Variants in SZRD1 observed in about 807,000 individuals in gnomAD.
SZRD1 encodes the protein SUZ RNA-binding domain-containing.
SZRD1 carries 7 observed loss-of-function variants against 17.6 expected under a neutral mutation model. The ratio of observed to expected loss-of-function variants is 0.40; its 90% CI spans 0.23 to 0.75. The LOEUF is 0.75. Among genes scored for constraint, SZRD1 ranks in the 30% least tolerant of loss-of-function variants. The probability of loss-of-function intolerance (pLI) is 0.38; values close to 1 mark genes in which losing one functional copy is unlikely to be tolerated. For synonymous variants in SZRD1, 77 were observed against 77.9 expected, an observed-to-expected ratio of 0.99 and a Z score of 0.06; for missense variants, 178 against 201.8, an observed-to-expected ratio of 0.88 and a Z score of 0.71.
At chr1:16,382,222 C>T (rs2083116240) in intron 1 of SZRD1, among the ~76,000 whole-genome samples, 1 of 151,380 alleles carries the variant, frequency 6.6e-6, no homozygotes, top group Non-Finnish European at 1.5e-5. Flanking sequence ...GGAGTCTTGT[C>T]TGTCGCCCAG....
At chr1:16,369,233 G>A (rs1051374137) in intron 1 of SZRD1, 1 of 539,706 alleles carries the variant, frequency 1.9e-6, no homozygotes, top group Non-Finnish European at 3.3e-6. Context: ...GTAACTAGGA[G>A]CAACCAATCA....
intron 1 of SZRD1, chr1:16,387,297 A>G (rs546447550): frequency 8.8e-6 from 4 of 456,470 alleles, no homozygotes; most frequent in African/African-American, 4.0e-5. Flanking sequence ...CATCTTCCTT[A>G]AACCCTAGAG....
At chr1:16,388,420 A>C (rs1441202988) in intron 1 of SZRD1, among the ~76,000 whole-genome samples, 2 of 150,312 alleles carry the variant, frequency 1.3e-5, no homozygotes, top group Non-Finnish European at 3.0e-5. Context: ...ATATAAATAT[A>C]TTTTAAACAC....
At chr1:16,378,979 G>A (rs1428871255) in intron 1 of SZRD1, among the ~76,000 whole-genome samples, 9 of 151,952 alleles carry the variant, frequency 5.9e-5, no homozygotes, top group Non-Finnish European at 1.3e-4. Context: ...CACCCGCCTC[G>A]GCCTCCCAAA....
intron 2 of SZRD1, among the ~76,000 whole-genome samples, chr1:16,392,594 T>C (rs1557631660): frequency 6.6e-6 from 1 of 152,210 alleles, no homozygotes. Context: ...CAGGGAGCCC[T>C]GGCAAGGGAG....
chr1:16,393,353 A>G lies in SZRD1; in HGVS notation c.227A>G (p.Asn76Ser), dbSNP rs199624690. 1.1e-4 allele frequency: 181 copies of G among 1,613,894 alleles called. 1 individual carries two copies. The African/African-American group carries it at 2.1e-3, about 18-fold the overall frequency. Residue 76 changes from asparagine to serine, a missense_variant, in exon 3 of 4, where the codon AAC becomes AGC. By Grantham distance (46) the Asn-to-Ser change is conservative (BLOSUM62 1). This residue lies in a region of SZRD1 where 117 missense variants were observed against 108.7 expected (regional missense o/e 1.08). Transcript: ENST00000401088. This position sits in a 1 kb window ranked among gnomAD's most constrained non-coding sequence, Gnocchi z 5.6. The part of the protein sequence containing the change: ...PTSNGVVSSP[N>S]STSRPTLPVK... ...AGCAACGGTGTGGTCAGCAGCCCCA[A>G]CTCCACCAGCAGGCCCACCCTTCCA...
In SZRD1 at chr1:16,383,441, A is replaced by G. The variant is rs553062734; in HGVS notation, c.52-7934A>G. Among the ~76,000 whole-genome samples, 44 of 151,786 alleles carry G rather than the reference A, an allele frequency of 2.9e-4. 1 individual carries two copies. In the South Asian group the frequency reaches 9.0e-3, roughly 31 times the overall value. ...TACTTTCTTGTCCAGGCTGGTCTTGAACTCCTGGTTTCAAGCAATTCTCCT... is the reference window on the plus strand; with the variant it reads ...TACTTTCTTGTCCAGGCTGGTCTTGGACTCCTGGTTTCAAGCAATTCTCCT... On this transcript the variant is annotated intron_variant, in intron 1 of 3. Transcript: ENST00000401088.
Position 16,385,555 on chromosome 1 carries a change from C to T in SZRD1, c.52-5820C>T, listed in dbSNP as rs563225475. 7.2e-4 allele frequency among the ~76,000 whole-genome samples: 110 copies of T among 152,062 alleles called. 2 individuals carry two copies. Among genetic ancestry groups the T allele is most frequent in the Non-Finnish European group, 1.0e-3 (69 of 68,022 alleles). ...CTCACCTTTCTTTTTTCCTTGTCAT[C>T]GACCTCTTAACGTTACAGGAGTAAA... On this transcript the variant is annotated intron_variant, in intron 1 of 3. Coordinates refer to ENST00000401088, the MANE Select transcript of SZRD1 (RefSeq NM_001114600.3).
At position 16,395,756 on chromosome 1, in the gene SZRD1, GA is replaced by G. The variant is rs1419976678; in HGVS notation, c.*619del. On this transcript the variant is annotated 3_prime_UTR_variant, in exon 4 of 4. Transcript: ENST00000401088. The stretch of plus-strand genomic sequence containing the variant: ...AAAAATGTTTCTGGGAAATTCACTA[GA>G]AACATTAACCAATAGGATTTTGGTG... The G allele has an allele frequency of 6.4e-6, 1 of 156,022 alleles. No homozygotes were observed. The highest frequency in any genetic ancestry group is 2.4e-5 in the African/African-American group (1 of 41,452). The allele number at this position is 156,022 out of a possible 1,614,324, so 9.7% of individuals were successfully genotyped here.
rs959078013 is a variant in SZRD1 at position 16,395,278 on chromosome 1, C to G, written c.*138C>G. The G allele has an allele frequency of 1.4e-6, 1 of 710,978 alleles. No homozygotes were observed. Among genetic ancestry groups the G allele is most frequent in the Admixed American group, 2.0e-5 (1 of 49,048 alleles). 44.0% of individuals were successfully genotyped at this position (710,978 alleles called of 1,614,324 possible). On this transcript the variant is annotated 3_prime_UTR_variant, in exon 4 of 4. Coordinates refer to ENST00000401088, the MANE Select transcript of SZRD1 (RefSeq NM_001114600.3). ...CTTACTTGCACTGTGATCCCCCTTG[C>G]TCCGCCCACTGTGACCTTGAACCCC... is the stretch of plus-strand genomic sequence containing the variant.
At position 16,391,961 on chromosome 1, in the gene SZRD1, C is replaced by T. The variant is rs903908172; in HGVS notation, c.101+537C>T. On this transcript the variant is annotated intron_variant, in intron 2 of 3. Coordinates refer to ENST00000401088, the MANE Select transcript of SZRD1 (RefSeq NM_001114600.3). The surrounding 1 kb of genome is among the most constrained non-coding windows in gnomAD (Gnocchi z 4.3). Reference sequence around the variant, plus strand: ...TTCCAGAGTAGGTGAAAGTTGACTTCGGCTTTCTGCTTTTGGGCTTAGGGA... The same window carrying T: ...TTCCAGAGTAGGTGAAAGTTGACTTTGGCTTTCTGCTTTTGGGCTTAGGGA... Among the ~76,000 whole-genome samples the T allele has an allele frequency of 9.9e-5, 15 of 151,968 alleles. No individual in the cohort carries two copies. The highest frequency in any genetic ancestry group is 7.9e-4 in the Admixed American group (12 of 15,262).
chr1:16,397,786 C>T lies in SZRD1; in HGVS notation c.*2646C>T, dbSNP rs1314898026. ...ACACCCTATCTGCTACCATCAGCCC[C>T]TTCCAGAGCCCATCTGCCCCGCCCA... On this transcript the variant is annotated 3_prime_UTR_variant, in exon 4 of 4. Coordinates refer to ENST00000401088, the MANE Select transcript of SZRD1 (RefSeq NM_001114600.3). This position sits in a 1 kb window ranked among gnomAD's most constrained non-coding sequence, Gnocchi z 5.4. 4 of 160,192 alleles carry T rather than the reference C, an allele frequency of 2.5e-5. No individual in the cohort carries two copies. The highest frequency in any genetic ancestry group is 9.6e-5 in the African/African-American group (4 of 41,616). 9.9% of individuals were successfully genotyped at this position (160,192 alleles called of 1,614,324 possible). A position where few individuals can be genotyped will look rare whatever the true frequency, so the allele number is the denominator to read the frequency against.
intron 1 of SZRD1, among the ~76,000 whole-genome samples, chr1:16,371,399 CTCCCTCTGCTCCCA>C (rs1481342448): frequency 2.7e-5 from 4 of 150,632 alleles, no homozygotes; most frequent in South Asian, 2.1e-4. Context: ...CTCCCCTCCC[CTCCCTCTGCTCCCA>C]TCCCTCTGCT....
chr1:16,380,998 G>A lies in SZRD1; in HGVS notation c.52-10377G>A, dbSNP rs150801662. 8.5e-3 allele frequency among the ~76,000 whole-genome samples: 1,272 copies of A among 150,418 alleles called. 12 individuals are homozygous for A. The highest frequency in any genetic ancestry group is 0.012 in the Non-Finnish European group (829 of 67,794). ...GCTGCTCAGGAGGCTGAGGCAGATCGCTTGAGTCCAGGAAATCAAGGCTAC... is the reference window on the plus strand; with the variant it reads ...GCTGCTCAGGAGGCTGAGGCAGATCACTTGAGTCCAGGAAATCAAGGCTAC... On this transcript the variant is annotated intron_variant, in intron 1 of 3. Coordinates refer to ENST00000401088, the MANE Select transcript of SZRD1 (RefSeq NM_001114600.3).
Position 16,393,621 on chromosome 1 carries a change from A to G in SZRD1, c.356+139A>G. ...CCATGCAGCTCCACTTGCTGATCCC[A>G]GCCTGCTGGCACTAGTTCACTGTGC... On this transcript the variant is annotated intron_variant, in intron 3 of 3. Coordinates refer to ENST00000401088, the MANE Select transcript of SZRD1 (RefSeq NM_001114600.3). The surrounding 1 kb of genome is among the most constrained non-coding windows in gnomAD (Gnocchi z 5.6). 1.1e-6 allele frequency: 1 copy of G among 941,884 alleles called. No homozygotes were observed. The highest frequency in any genetic ancestry group is 1.6e-6 in the Non-Finnish European group (1 of 640,168). The allele number at this position is 941,884 out of a possible 1,614,324, so 58.3% of individuals were successfully genotyped here. A position where few individuals can be genotyped will look rare whatever the true frequency, so the allele number is the denominator to read the frequency against.
Position 16,397,264 on chromosome 1 carries a change from C to T in SZRD1, c.*2124C>T, listed in dbSNP as rs183622353. On this transcript the variant is annotated 3_prime_UTR_variant, in exon 4 of 4. Transcript: ENST00000401088. This position sits in a 1 kb window ranked among gnomAD's most constrained non-coding sequence, Gnocchi z 5.4. The stretch of plus-strand genomic sequence containing the variant: ...CCTCTGGCCAAAGATGGGCTTTGCC[C>T]GCTGTGTGCCTGTCACCACCCACCA... 16 of 152,362 alleles carry T rather than the reference C, an allele frequency of 1.1e-4. No homozygotes were observed. Among genetic ancestry groups the T allele is most frequent in the Non-Finnish European group, 1.6e-4 (11 of 68,044 alleles). 9.4% of individuals were successfully genotyped at this position (152,362 alleles called of 1,614,324 possible).
In SZRD1 at chr1:16,391,393, GA is replaced by G; in HGVS notation, c.78del (p.Lys26AsnfsTer2). 1 of 1,547,262 alleles carries G rather than the reference GA, an allele frequency of 6.5e-7. No homozygotes were observed. Among genetic ancestry groups the G allele is most frequent in the Non-Finnish European group, 8.7e-7 (1 of 1,145,054 alleles). ...ADSGEIDRRLEKKLKITQKES... is the reference protein window; with the variant it reads ...ADSGEIDRRLXKKLKITQKES... ...CCTCTAGGAAATAGACAGACGGTTGGAAAAAAAACTGAAGATCACACAAAAA... is the reference window on the plus strand; with the variant it reads ...CCTCTAGGAAATAGACAGACGGTTGGAAAAAAACTGAAGATCACACAAAAA... On this transcript the variant is annotated frameshift_variant, in exon 2 of 4. Transcript: ENST00000401088. LOFTEE classifies it high-confidence loss of function. This position sits in a 1 kb window ranked among gnomAD's most constrained non-coding sequence, Gnocchi z 4.3.
intron 1 of SZRD1, among the ~76,000 whole-genome samples, chr1:16,380,791 G>A (rs1474908543): frequency 6.6e-6 from 1 of 152,106 alleles, no homozygotes; most frequent in African/African-American, 2.4e-5. Context: ...TGTATTTGTA[G>A]AGATGGGATT....
intron 1 of SZRD1, among the ~76,000 whole-genome samples, chr1:16,376,880 T>C (rs147217776): frequency 1.5e-3 from 229 of 150,862 alleles, no homozygotes; most frequent in African/African-American, 5.1e-3. Flanking sequence ...TTACCCAGAC[T>C]GATCTGAACT....
Sources: allele counts gnomAD v4.1 joint callset (sites outside exome capture counted in the v4.1 genomes callset), GRCh38; gene constraint gnomAD v4.1.1; regional missense constraint gnomAD v4.1.1; non-coding constraint Gnocchi (gnomAD v3.1); transcripts MANE v1.5; gene names NCBI Gene and HGNC (gene_info 2026-07-23, HGNC 2026-07-21).